Variants in MAGI2 observed in about 807,000 individuals in gnomAD.
MAGI2 encodes membrane-associated guanylate kinase, WW and PDZ domain-containing protein 2.
A neutral mutation model predicts 133.3 loss-of-function variants in MAGI2; 35 were observed. The ratio of observed to expected loss-of-function variants is 0.26; its 90% CI spans 0.20 to 0.35. The LOEUF is 0.35. Ranked by LOEUF, MAGI2 falls within the 10% of genes least tolerant of loss-of-function variation. The pLI, the probability that MAGI2 is intolerant of heterozygous loss-of-function variation, is 1.00. For missense variants in MAGI2, 1,636 were observed against 1,863.4 expected, an observed-to-expected ratio of 0.88 and a Z score of 2.25; for synonymous variants, 729 against 710.6, an observed-to-expected ratio of 1.03 and a Z score of -0.41.
At chr7:79,420,738 T>C (rs1384058555) in intron 1 of MAGI2, among the ~76,000 whole-genome samples, 1 of 151,930 alleles carries the variant, frequency 6.6e-6, no homozygotes, top group Non-Finnish European at 1.5e-5. Flanking sequence ...TCCACTAATA[T>C]TTAGTTAAGA....
At chr7:79,317,562 C>T (rs1010763213) in intron 1 of MAGI2, among the ~76,000 whole-genome samples, 1 of 152,122 alleles carries the variant, frequency 6.6e-6, no homozygotes, top group Non-Finnish European at 1.5e-5. Flanking sequence ...TCAAAGTAAT[C>T]ATTTCAACAT....
Position 78,307,467 on chromosome 7 carries a change from T to G in MAGI2, c.1408+36311A>C, listed in dbSNP as rs17344319. On this transcript the variant is annotated intron_variant, in intron 9 of 21. Transcript: ENST00000354212. The stretch of plus-strand genomic sequence containing the variant: ...TAGATTGCCTATTGTGAAACTCATA[T>G]TATATTAGATGTGGTTTTACATATG... 7.7e-3 allele frequency among the ~76,000 whole-genome samples: 1,178 copies of G among 152,296 alleles called. 9 individuals are homozygous for G. Among genetic ancestry groups the G allele is most frequent in the South Asian group, 0.018 (88 of 4,830 alleles).
chr7:78,473,977 T>G (rs1791488753), intron 6 of MAGI2, among the ~76,000 whole-genome samples: 1 of 151,994 alleles, frequency 6.6e-6, no homozygotes, highest in African/African-American at 2.4e-5. Flanking sequence ...CTCAATGCTT[T>G]GGGTTTTCGT....
intron 1 of MAGI2, among the ~76,000 whole-genome samples, chr7:79,242,435 T>C (rs1832488928): frequency 6.6e-6 from 1 of 152,206 alleles, no homozygotes; most frequent in African/African-American, 2.4e-5. Flanking sequence ...ACTTGATATA[T>C]TAGTGAGAAT....
chr7:78,664,414 A>G (rs987775508), intron 2 of MAGI2, among the ~76,000 whole-genome samples: 3 of 152,144 alleles, frequency 2.0e-5, no homozygotes, highest in Non-Finnish European at 4.4e-5. Context: ...TTATAATGGA[A>G]ACATTCTCCA....
At chr7:79,166,899 C>G (rs1824977182) in intron 1 of MAGI2, among the ~76,000 whole-genome samples, 1 of 151,896 alleles carries the variant, frequency 6.6e-6, no homozygotes, top group East Asian at 2.0e-4. Flanking sequence ...TACATGAGAC[C>G]TAGTACCAGC....
chr7:78,320,466 A>G (rs1397013148), intron 9 of MAGI2, among the ~76,000 whole-genome samples: 1 of 152,216 alleles, frequency 6.6e-6, no homozygotes, highest in East Asian at 1.9e-4. Flanking sequence ...GACTGGTTCA[A>G]CATTTGCAAA....
At chr7:78,699,213 A>C (rs1230732419) in intron 2 of MAGI2, among the ~76,000 whole-genome samples, 2 of 152,032 alleles carry the variant, frequency 1.3e-5, no homozygotes, top group Admixed American at 6.6e-5. Flanking sequence ...GGGCTCAAAC[A>C]ATCCTCCCAC....
intron 21 of MAGI2, among the ~76,000 whole-genome samples, chr7:78,023,735 GAA>G (rs1055858202): frequency 1.2e-4 from 19 of 152,318 alleles, no homozygotes; most frequent in African/African-American, 4.3e-4. Context: ...TTTCTGATGT[GAA>G]ATCCAGAGGA....
At chr7:78,155,397 T>TGAGCCCAGGAGTTTGAGAC (rs1824291180) in intron 16 of MAGI2, among the ~76,000 whole-genome samples, 1 of 152,188 alleles carries the variant, frequency 6.6e-6, no homozygotes, top group Non-Finnish European at 1.5e-5. Flanking sequence ...ACAGATCACT[T>TGAGCCCAGGAGTTTGAGAC]GAGCCCAGGA....
chr7:78,790,318 A>G (rs1324849477), intron 2 of MAGI2, among the ~76,000 whole-genome samples: 3 of 152,074 alleles, frequency 2.0e-5, no homozygotes, highest in Non-Finnish European at 4.4e-5. Context: ...CAGGTCCATT[A>G]TTTATTTATT....
At chr7:78,321,137 AG>A in intron 9 of MAGI2, among the ~76,000 whole-genome samples, 1 of 152,364 alleles carries the variant, frequency 6.6e-6, no homozygotes, top group East Asian at 1.9e-4. Flanking sequence ...AACAAATGGA[AG>A]AACATTCTAT....
chr7:78,408,849 T>C (rs1479697049), intron 6 of MAGI2, among the ~76,000 whole-genome samples: 2 of 152,144 alleles, frequency 1.3e-5, no homozygotes, highest in South Asian at 2.1e-4. Flanking sequence ...TTTTACTTTT[T>C]CCATTGTAGC....
chr7:79,112,367 G>A (rs991128371), intron 1 of MAGI2, among the ~76,000 whole-genome samples: 10 of 152,220 alleles, frequency 6.6e-5, no homozygotes, highest in African/African-American at 2.2e-4. Flanking sequence ...TTTGCCCTCA[G>A]GAGTTACACA....
At chr7:79,410,161 T>C (rs1356829123) in intron 1 of MAGI2, 1 of 152,116 alleles carries the variant, frequency 6.6e-6, no homozygotes, top group Non-Finnish European at 1.5e-5. Context: ...TTTCCATAGT[T>C]TTTCCAGAGT....
intron 3 of MAGI2, chr7:78,618,094 T>A (rs747732931): frequency 6.6e-6 from 1 of 152,060 alleles, no homozygotes; most frequent in Non-Finnish European, 1.5e-5. Context: ...AAAACCTCTG[T>A]CATCACATTA....
intron 1 of MAGI2, among the ~76,000 whole-genome samples, chr7:79,224,102 G>A (rs1164814420): frequency 6.6e-6 from 1 of 152,154 alleles, no homozygotes; most frequent in East Asian, 1.9e-4. Flanking sequence ...TTTCAAACAG[G>A]AAACTACTGG....
At chr7:78,341,564 TA>T (rs1314390927) in intron 9 of MAGI2, among the ~76,000 whole-genome samples, 1 of 152,032 alleles carries the variant, frequency 6.6e-6, no homozygotes, top group Non-Finnish European at 1.5e-5. Context: ...AACTATACTA[TA>T]AGGCTACAGT....
At chr7:78,352,657 T>G (rs1180453101) in intron 7 of MAGI2, among the ~76,000 whole-genome samples, 1 of 152,122 alleles carries the variant, frequency 6.6e-6, no homozygotes, top group South Asian at 2.1e-4. Flanking sequence ...AGCTGGGAGG[T>G]GGAATCATGG....
Sources: allele counts gnomAD v4.1 joint callset (sites outside exome capture counted in the v4.1 genomes callset), GRCh38; gene constraint gnomAD v4.1.1; transcripts MANE v1.5; gene names NCBI Gene and HGNC (gene_info 2026-07-23, HGNC 2026-07-21).